Variants in DRC8 observed in about 807,000 individuals in gnomAD.
DRC8 encodes the protein dynein regulatory complex protein 8.
the DRC8 span, among the ~76,000 whole-genome samples, chr1:245,053,896 C>T: frequency 6.6e-6 from 1 of 152,064 alleles, no homozygotes; most frequent in South Asian, 2.1e-4. Flanking sequence ...ACCTTGCAGG[C>T]GGCAGGACCT....
chr1:245,032,953 C>T, the DRC8 span, among the ~76,000 whole-genome samples: 9 of 150,864 alleles, frequency 6.0e-5, no homozygotes, highest in African/African-American at 1.2e-4. Context: ...CTTGGGAGTT[C>T]GAGACCAGCC....
chr1:245,101,897 G>C, the DRC8 span, among the ~76,000 whole-genome samples: 1 of 152,098 alleles, frequency 6.6e-6, no homozygotes, highest in African/African-American at 2.4e-5. Flanking sequence ...AAGCTTCCTG[G>C]ATATATGGCA....
chr1:245,066,222 G>C, the DRC8 span, among the ~76,000 whole-genome samples: 1 of 152,188 alleles, frequency 6.6e-6, no homozygotes, highest in Non-Finnish European at 1.5e-5. Context: ...GTTTGAGAGA[G>C]AGTAAAGTTA....
chr1:244,973,789 A>T, the DRC8 span, among the ~76,000 whole-genome samples: 1 of 152,218 alleles, frequency 6.6e-6, no homozygotes, highest in Non-Finnish European at 1.5e-5. Context: ...TACCTATCCT[A>T]TCCACTCTTC....
chr1:245,006,416 A>G, the DRC8 span, among the ~76,000 whole-genome samples: 2 of 151,956 alleles, frequency 1.3e-5, no homozygotes, highest in Non-Finnish European at 2.9e-5. Flanking sequence ...TGTTCAAGTG[A>G]TCCTCCTGCC....
At chr1:245,100,506 C>T in the DRC8 span, among the ~76,000 whole-genome samples, 1 of 152,084 alleles carries the variant, frequency 6.6e-6, no homozygotes, top group African/African-American at 2.4e-5. Flanking sequence ...AGAGGCCTGG[C>T]ACAGTGGCTT....
the DRC8 span, among the ~76,000 whole-genome samples, chr1:245,060,318 G>A: frequency 6.6e-6 from 1 of 152,136 alleles, no homozygotes; most frequent in Non-Finnish European, 1.5e-5. Context: ...TTGCTTCAAA[G>A]ATAAATGAAA....
At chr1:244,979,480 A>G in the DRC8 span, among the ~76,000 whole-genome samples, 3 of 150,994 alleles carry the variant, frequency 2.0e-5, no homozygotes, top group South Asian at 4.2e-4. Context: ...TCATTTTTTT[A>G]TATTTTTAGT....
the DRC8 span, among the ~76,000 whole-genome samples, chr1:245,095,306 C>G: frequency 6.6e-6 from 1 of 152,178 alleles, no homozygotes; most frequent in Non-Finnish European, 1.5e-5. Flanking sequence ...CAGCTACACC[C>G]CGCTGGAGGG....
At chr1:245,084,144 C>T in the DRC8 span, among the ~76,000 whole-genome samples, 29 of 133,498 alleles carry the variant, frequency 2.2e-4, no homozygotes, top group African/African-American at 6.8e-4. Flanking sequence ...TGCAGTGGCG[C>T]GATCTTAGCT....
At chr1:245,103,762 G>C in the DRC8 span, among the ~76,000 whole-genome samples, 7 of 152,174 alleles carry the variant, frequency 4.6e-5, no homozygotes, top group Admixed American at 4.6e-4. Context: ...AGCACTGCTT[G>C]ACTCAGAGCT....
At chr1:244,970,908 C>T in the DRC8 span, 5 of 193,224 alleles carry the variant, frequency 2.6e-5, no homozygotes, top group Non-Finnish European at 4.2e-5. Context: ...TCCACACTCT[C>T]GCCTGGGGTC....
At chr1:245,093,513 A>C in the DRC8 span, among the ~76,000 whole-genome samples, 3 of 152,152 alleles carry the variant, frequency 2.0e-5, no homozygotes, top group Admixed American at 2.0e-4. Context: ...AGCCCAGGCA[A>C]CATGGTGAAA....
chr1:245,081,239 G>C, the DRC8 span, among the ~76,000 whole-genome samples: 1 of 151,684 alleles, frequency 6.6e-6, no homozygotes, highest in Non-Finnish European at 1.5e-5. Flanking sequence ...TCGGCTCACT[G>C]CAAGCTCTGC....
chr1:245,110,548 T>G, the DRC8 span, among the ~76,000 whole-genome samples: 1 of 152,232 alleles, frequency 6.6e-6, no homozygotes, highest in African/African-American at 2.4e-5. Context: ...AGGAAAGAAA[T>G]AAGAACATTA....
chr1:245,079,286 A>G, the DRC8 span, among the ~76,000 whole-genome samples: 1 of 152,086 alleles, frequency 6.6e-6, no homozygotes, highest in African/African-American at 2.4e-5. Context: ...GGTCATAATC[A>G]TTTTTCTTCT....
At chr1:245,063,073 A>C in the DRC8 span, among the ~76,000 whole-genome samples, 5 of 152,204 alleles carry the variant, frequency 3.3e-5, 1 homozygote, top group South Asian at 8.3e-4. Flanking sequence ...TGAGCAGTGC[A>C]TCTGAGCCCT....
chr1:245,000,600 G>A, the DRC8 span, among the ~76,000 whole-genome samples: 4 of 152,102 alleles, frequency 2.6e-5, no homozygotes, highest in Non-Finnish European at 5.9e-5. Context: ...CTAACACGGT[G>A]AAACCCCGTC....
the DRC8 span, among the ~76,000 whole-genome samples, chr1:245,030,106 G>A: frequency 6.6e-6 from 1 of 152,160 alleles, no homozygotes; most frequent in African/African-American, 2.4e-5. Flanking sequence ...AGATTCACTC[G>A]AAAAGTGTGG....
Sources: gnomAD v4.1 joint callset for allele counts (sites outside exome capture counted in the v4.1 genomes callset) on GRCh38, gnomAD v4.1.1 for gene constraint, MANE v1.5 for transcripts, NCBI Gene and HGNC (gene_info 2026-07-23, HGNC 2026-07-21) for gene names.